Variants in VPS13B observed in about 807,000 individuals in gnomAD.
VPS13B encodes the protein vacuolar protein sorting 13 homolog B, also known as intermembrane lipid transfer protein VPS13B.
A neutral mutation model predicts 426.4 loss-of-function variants in VPS13B; 285 were observed. The observed-to-expected ratio is 0.67, with a 90% CI of 0.61 to 0.74. The LOEUF (loss-of-function observed/expected upper bound fraction) is 0.74, where lower values mean the gene tolerates loss of function less well. VPS13B is among the 30% of genes least tolerant of loss of function. The probability of loss-of-function intolerance (pLI) is 0.00; values close to 1 mark genes in which losing one functional copy is unlikely to be tolerated. For synonymous variants in VPS13B, 1,676 were observed against 1,676.4 expected (o/e 1.00, Z 0.01); for missense variants, 4,537 against 4,782.6 (o/e 0.95, Z 1.51).
intron 17 of VPS13B, among the ~76,000 whole-genome samples, chr8:99,262,847 T>A (rs1170699726): frequency 6.6e-6 from 1 of 151,966 alleles, no homozygotes; most frequent in Non-Finnish European, 1.5e-5. Flanking sequence ...AGGGTAGTGG[T>A]ATGACCATGA....
intron 3 of VPS13B, among the ~76,000 whole-genome samples, chr8:99,073,701 T>C (rs1844956823): frequency 3.3e-4 from 3 of 9,216 alleles, no homozygotes; most frequent in South Asian, 0.013. Flanking sequence ...TTTCTTTCCT[T>C]TTTTTTTTTT....
Position 99,778,713 on chromosome 8 carries a change from C to A in VPS13B, c.7461C>A (p.Ser2487=), listed in dbSNP as rs751190453. ...CACAGTACCTACAGCCATTTGTTTC[C>A]GACAGAAATATGCCATCTGAACTAG... The part of the protein sequence containing the change: ...AAPQYLQPFV[S]DRNMPSELEY... Residue 2487 remains serine, a synonymous_variant, in exon 42 of 62, where the codon TCC becomes TCA. Transcript: ENST00000357162. 1.2e-6 allele frequency: 2 copies of A among 1,613,688 alleles called. No homozygotes were observed. Among genetic ancestry groups the A allele is most frequent in the African/African-American group, 1.3e-5 (1 of 74,854 alleles).
chr8:99,589,346 C>T (rs111966806), intron 33 of VPS13B, among the ~76,000 whole-genome samples: 7,112 of 151,608 alleles, frequency 0.047, 262 homozygotes, highest in African/African-American at 0.063. Flanking sequence ...CTAATGCTAT[C>T]CCTCCCCGCT....
intron 12 of VPS13B, among the ~76,000 whole-genome samples, chr8:99,139,507 G>A (rs1435429111): frequency 2.1e-5 from 3 of 145,836 alleles, no homozygotes; most frequent in African/African-American, 2.5e-5. Flanking sequence ...TTGCAATCTC[G>A]ACTCACTGCA....
chr8:99,566,167 A>T (rs370756913), intron 31 of VPS13B, among the ~76,000 whole-genome samples: 2 of 151,572 alleles, frequency 1.3e-5, no homozygotes, highest in African/African-American at 2.4e-5. Context: ...TGGTGTAGAT[A>T]TAACAGGGCA....
intron 33 of VPS13B, among the ~76,000 whole-genome samples, chr8:99,595,614 T>C (rs1004244351): frequency 3.3e-5 from 5 of 151,864 alleles, no homozygotes. Flanking sequence ...AGAAAAAGAA[T>C]AGATAAATGG....
chr8:99,616,643 T>C (rs1220108646), intron 33 of VPS13B, among the ~76,000 whole-genome samples: 2 of 152,106 alleles, frequency 1.3e-5, no homozygotes, highest in African/African-American at 4.8e-5. Context: ...CTGGCCAACA[T>C]GGTGAAACCC....
intron 51 of VPS13B, among the ~76,000 whole-genome samples, chr8:99,830,742 G>T (rs1315555319): frequency 6.6e-6 from 1 of 152,164 alleles, no homozygotes; most frequent in Admixed American, 6.5e-5. Flanking sequence ...GGCACCAGAG[G>T]CAATCTCCTG....
At chr8:99,350,929 ATTTT>A (rs1811847225) in intron 19 of VPS13B, among the ~76,000 whole-genome samples, 2 of 151,916 alleles carry the variant, frequency 1.3e-5, no homozygotes, top group Middle Eastern at 6.4e-3. Context: ...CTTGAAATTA[ATTTT>A]AGTTATTTAG....
intron 23 of VPS13B, among the ~76,000 whole-genome samples, chr8:99,447,681 G>A (rs1817987869): frequency 6.6e-6 from 1 of 151,866 alleles, no homozygotes; most frequent in South Asian, 2.1e-4. Context: ...GATATCATTT[G>A]GTGTGTGTGT....
At chr8:99,041,802 G>A (rs187140906) in intron 3 of VPS13B, among the ~76,000 whole-genome samples, 14 of 150,720 alleles carry the variant, frequency 9.3e-5, no homozygotes, top group Middle Eastern at 6.8e-3. Context: ...GCAGTGATCC[G>A]AGATTGTGCC....
At chr8:99,654,595 C>G (rs1829952562) in intron 34 of VPS13B, among the ~76,000 whole-genome samples, 1 of 152,154 alleles carries the variant, frequency 6.6e-6, no homozygotes, top group Non-Finnish European at 1.5e-5. Flanking sequence ...CAAGAAGTGA[C>G]TGTTCTGATA....
intron 49 of VPS13B, 70 bp downstream of exon 49, chr8:99,820,192 T>C: frequency 6.9e-7 from 1 of 1,453,532 alleles, no homozygotes; most frequent in Non-Finnish European, 9.6e-7. Flanking sequence ...AAAGTTGCGT[T>C]TATGATCTTA....
intron 25 of VPS13B, among the ~76,000 whole-genome samples, chr8:99,487,358 C>A (rs1820367497): frequency 6.6e-6 from 1 of 152,138 alleles, no homozygotes; most frequent in East Asian, 1.9e-4. Flanking sequence ...TTACTAAGAA[C>A]TAGTCTTTTT....
chr8:99,784,219 G>A (rs1812150241), intron 42 of VPS13B, 96 bp from the exon 43 acceptor site: 1 of 1,490,056 alleles, frequency 6.7e-7, no homozygotes, highest in East Asian at 2.3e-5. Context: ...ATCTTTTAGG[G>A]TTTCTGTGTT....
At chr8:99,324,898 AT>A (rs1354993186) in intron 19 of VPS13B, among the ~76,000 whole-genome samples, 2 of 152,120 alleles carry the variant, frequency 1.3e-5, no homozygotes, top group African/African-American at 4.8e-5. Context: ...TTGATATTTT[AT>A]TTTTAATTAA....
At chr8:99,197,116 G>A (rs1392161701) in intron 17 of VPS13B, among the ~76,000 whole-genome samples, 3 of 152,148 alleles carry the variant, frequency 2.0e-5, no homozygotes, top group African/African-American at 7.2e-5. Context: ...TTAATGTGGT[G>A]TATCATATTT....
chr8:99,831,239 A>C (rs1455167032), intron 51 of VPS13B, among the ~76,000 whole-genome samples: 2 of 151,358 alleles, frequency 1.3e-5, no homozygotes, highest in African/African-American at 4.8e-5. Flanking sequence ...CACCCAGCTA[A>C]TTTTTGTATT....
intron 35 of VPS13B, among the ~76,000 whole-genome samples, chr8:99,663,663 A>G (rs1004362312): frequency 1.3e-5 from 2 of 152,238 alleles, no homozygotes; most frequent in African/African-American, 4.8e-5. Flanking sequence ...TTGTTCACAC[A>G]TGAAAGACTG....
Sources: allele counts gnomAD v4.1 joint callset (sites outside exome capture counted in the v4.1 genomes callset), GRCh38; gene constraint gnomAD v4.1.1; transcripts MANE v1.5; gene names NCBI Gene and HGNC (gene_info 2026-07-23, HGNC 2026-07-21).